The following NCKAP5L variants were observed in gnomAD, a reference collection of about 807,000 sequenced individuals.
NCKAP5L encodes NCK associated protein 5 like, also known as nck-associated protein 5-like.
A neutral mutation model predicts 103.2 loss-of-function variants in NCKAP5L; 54 were observed. The ratio of observed to expected loss-of-function variants is 0.52; its 90% CI spans 0.42 to 0.66. The LOEUF is 0.66. Ranked by LOEUF, NCKAP5L falls within the 30% of genes least tolerant of loss-of-function variation. NCKAP5L has a pLI of 0.00. For missense variants in NCKAP5L, 1,733 were observed against 1,750.6 expected (o/e 0.99, Z 0.18); for synonymous variants, 762 against 748.6 (o/e 1.02, Z -0.29).
chr12:49,802,667 C>G (rs1221032381), intron 5 of NCKAP5L: 1 of 470,582 alleles, frequency 2.1e-6, no homozygotes, highest in East Asian at 3.4e-5. Context: ...TATTCAGATG[C>G]CATTTAGGCT....
At position 49,792,795 on chromosome 12, in the gene NCKAP5L, G is replaced by A. The variant is rs769526012; in HGVS notation, c.3532C>T (p.Arg1178Trp). The A allele has an allele frequency of 9.4e-6, 15 of 1,603,648 alleles. No homozygotes were observed. Among genetic ancestry groups the A allele is most frequent in the South Asian group, 2.2e-5 (2 of 90,094 alleles). ...AGCTCCTCTATGCCTGGCACCTCCC[G>A]CTCCAGTGTGTGGGCGCGGCGGGGG... ...KVPRRAHTLE[R>W]EVPGIEELLV... The change falls in exon 11 of 13, where the codon CGG (arginine) becomes TGG (tryptophan). Residue 1178 changes from arginine to tryptophan, a missense_variant. Physicochemically the swap from Arg to Trp is moderately radical, Grantham distance 101. Coordinates refer to ENST00000335999, the MANE Select transcript of NCKAP5L (RefSeq NM_001037806.4). The surrounding 1 kb of genome is among the most constrained non-coding windows in gnomAD (Gnocchi z 4.5).
intron 1 of NCKAP5L, among the ~76,000 whole-genome samples, chr12:49,810,306 G>A (rs7313400): frequency 0.5 from 76,118 of 152,076 alleles, 20,224 homozygotes; most frequent in East Asian, 0.65. Context: ...AGCCCAGGCC[G>A]TCCTAGCCCA....
In NCKAP5L at chr12:49,796,388, C is replaced by T; in HGVS notation, c.1472G>A (p.Ser491Asn). 1 of 1,580,628 alleles carries T rather than the reference C, an allele frequency of 6.3e-7. No individual in the cohort carries two copies. The highest frequency in any genetic ancestry group is 8.6e-7 in the Non-Finnish European group (1 of 1,163,332). Residue 491 changes from serine to asparagine, a missense_variant, in exon 8 of 13, where the codon AGT becomes AAT. By Grantham distance (46) the Ser-to-Asn change is conservative. Coordinates refer to ENST00000335999, the MANE Select transcript of NCKAP5L (RefSeq NM_001037806.4). ...TGGGGAGGGGCTGCCGTCTGAGCCA[C>T]TGTTCCGACAGGGGATTCGCGAGTT... ...PRNSRIPCRN[S>N]GSDGSPSPLL...
Position 49,798,391 on chromosome 12 carries a change from C to T in NCKAP5L, c.424G>A (p.Ala142Thr). The change falls in exon 7 of 13, where the codon GCT becomes ACT. Residue 142 changes from alanine to threonine, a missense_variant. By Grantham distance (58) the Ala-to-Thr change is moderately conservative. Transcript: ENST00000335999. ...CAGTGCCCCAGAGGCAGCGGGGCAGCCGGTCCCTCAGTGGAGCTCAGGGAG... is the reference window on the plus strand; with the variant it reads ...CAGTGCCCCAGAGGCAGCGGGGCAGTCGGTCCCTCAGTGGAGCTCAGGGAG... Reference protein sequence around the residue: ...SPSLSSTEGPAAPLPLGHCAG... With the variant: ...SPSLSSTEGPTAPLPLGHCAG... 7.6e-6 allele frequency: 12 copies of T among 1,573,016 alleles called. No homozygotes were observed. The highest frequency in any genetic ancestry group is 1.2e-5 in the South Asian group (1 of 85,582).
At chr12:49,823,705 G>A (rs1266866324) in intron 1 of NCKAP5L, among the ~76,000 whole-genome samples, 4 of 151,732 alleles carry the variant, frequency 2.6e-5, no homozygotes, top group Admixed American at 1.3e-4. Flanking sequence ...ACCAGCATAA[G>A]GTTCACAGTG....
Position 49,792,875 on chromosome 12 carries a change from C to G in NCKAP5L, c.3452G>C (p.Arg1151Pro), listed in dbSNP as rs781285964. ...GGGTACCCCAGGTGGGGGATCCAGCCGCGGTGGCTTGGTCTTAGGAAGATT... is the reference window on the plus strand; with the variant it reads ...GGGTACCCCAGGTGGGGGATCCAGCGGCGGTGGCTTGGTCTTAGGAAGATT... Reference protein sequence around the residue: ...SKNLPKTKPPRLDPPPGVPPA... With the variant: ...SKNLPKTKPPPLDPPPGVPPA... The change falls in exon 11 of 13, where the codon CGG becomes CCG. Residue 1151 changes from arginine (R) to proline (P), a missense_variant. Arg to Pro is a moderately radical substitution (Grantham distance 103). Transcript: ENST00000335999. This position sits in a 1 kb window ranked among gnomAD's most constrained non-coding sequence, Gnocchi z 4.5. 1 of 1,545,032 alleles carries G rather than the reference C, an allele frequency of 6.5e-7. No individual in the cohort carries two copies. The highest frequency in any genetic ancestry group is 1.2e-5 in the South Asian group (1 of 81,804).
Position 49,796,833 on chromosome 12 carries a change from G to A in NCKAP5L, c.1027C>T (p.Leu343=). The change falls in exon 8 of 13, where the codon CTG becomes TTG. Residue 343 remains leucine, a synonymous_variant. Transcript: ENST00000335999. Reference sequence around the variant, plus strand: ...TTGAGTGGGCCTGCAGCCCCGGCCAGGAAGGCCTGTAGGTAAGACTCTGTG... The same window carrying A: ...TTGAGTGGGCCTGCAGCCCCGGCCAAGAAGGCCTGTAGGTAAGACTCTGTG... ...EDTESYLQAF[L]AGAAGPLNGD... 6.2e-7 allele frequency: 1 copy of A among 1,613,272 alleles called. No individual in the cohort carries two copies. Among genetic ancestry groups the A allele is most frequent in the Non-Finnish European group, 8.5e-7 (1 of 1,179,772 alleles).
chr12:49,800,470 A>G (rs1946106423), intron 6 of NCKAP5L, among the ~76,000 whole-genome samples: 1 of 152,214 alleles, frequency 6.6e-6, no homozygotes, highest in Non-Finnish European at 1.5e-5. Flanking sequence ...CTTAATTGGC[A>G]TTTGTGCAAA....
chr12:49,798,541 CCT>C (rs1946085273), intron 6 of NCKAP5L, 78 bp from the exon 7 acceptor site: 5 of 1,194,328 alleles, frequency 4.2e-6, no homozygotes, highest in Non-Finnish European at 6.0e-6. Context: ...CAGGCCTTCC[CCT>C]CTGAGTCCGC....
Position 49,791,781 on chromosome 12 carries a change from A to T in NCKAP5L, c.*58T>A, listed in dbSNP as rs1945937892. 2.8e-6 allele frequency: 4 copies of T among 1,424,138 alleles called. No homozygotes were observed. In the East Asian group the frequency reaches 7.6e-5, roughly 27 times the overall value. The allele number at this position is 1,424,138 out of a possible 1,614,324, so 88.2% of individuals were successfully genotyped here. ...CCGTCTCCGGGGGCTGGGCATGAAG[A>T]GAGCCGGTCCAGTCTGTGGTCCCCA... On this transcript the variant is annotated 3_prime_UTR_variant, in exon 13 of 13. Transcript: ENST00000335999.
chr12:49,828,009 G>A (rs1465957186), intron 1 of NCKAP5L, among the ~76,000 whole-genome samples: 1 of 151,760 alleles, frequency 6.6e-6, no homozygotes, highest in Non-Finnish European at 1.5e-5. Context: ...AGGGGAGCCC[G>A]GCCCCCGGAA....
chr12:49,815,331 G>A (rs1335214776), intron 1 of NCKAP5L, among the ~76,000 whole-genome samples: 1 of 152,050 alleles, frequency 6.6e-6, no homozygotes, highest in Admixed American at 6.6e-5. Flanking sequence ...TTAATTGCAA[G>A]TTTTCTATAA....
chr12:49,792,754 C>T lies in NCKAP5L; in HGVS notation c.3573G>A (p.Arg1191=). Residue 1191 remains arginine, a synonymous_variant, in exon 11 of 13, where the codon CGG becomes CGA. Transcript: ENST00000335999. The surrounding 1 kb of genome is among the most constrained non-coding windows in gnomAD (Gnocchi z 4.5). ...CAGGGAAGGCTGGCATGCTGGGGTG[C>T]CGCCCACTCACCAGCAGCTCCTCTA... The part of the protein sequence containing the change: ...PGIEELLVSG[R]HPSMPAFPAL... 4 of 1,608,662 alleles carry T rather than the reference C, an allele frequency of 2.5e-6. No homozygotes were observed. Among genetic ancestry groups the T allele is most frequent in the Non-Finnish European group, 3.4e-6 (4 of 1,178,478 alleles).
At chr12:49,812,993 C>T (rs554815181) in intron 1 of NCKAP5L, among the ~76,000 whole-genome samples, 23 of 152,132 alleles carry the variant, frequency 1.5e-4, no homozygotes, top group African/African-American at 5.5e-4. Context: ...AGTGTAAATG[C>T]TATGTAAACA....
chr12:49,819,311 C>CAAAAAA (rs60803272), intron 1 of NCKAP5L, among the ~76,000 whole-genome samples: 1 of 125,030 alleles, frequency 8.0e-6, no homozygotes, highest in African/African-American at 2.9e-5. Context: ...GACTCCGCTT[C>CAAAAAA]AAAAAAAAAA....
Position 49,796,900 on chromosome 12 carries a change from G to A in NCKAP5L, c.960C>T (p.Ala320=). Residue 320 remains alanine, a synonymous_variant, in exon 8 of 13, where the codon GCC becomes GCT. Coordinates refer to ENST00000335999, the MANE Select transcript of NCKAP5L (RefSeq NM_001037806.4). ...CCAGGTTCAACTGTCTGCGGGCCAG[G>A]GCACCGAGCAGGGTGTCGGGGCTGG... The part of the protein sequence containing the change: ...EAPSPDTLLG[A]LARRQLNLGQ... 6.2e-7 allele frequency: 1 copy of A among 1,611,060 alleles called. No homozygotes were observed. Among genetic ancestry groups the A allele is most frequent in the Non-Finnish European group, 8.5e-7 (1 of 1,179,086 alleles).
chr12:49,801,105 G>T (rs1032245181), intron 6 of NCKAP5L, among the ~76,000 whole-genome samples: 1 of 152,216 alleles, frequency 6.6e-6, no homozygotes, highest in Admixed American at 6.5e-5. Flanking sequence ...CCTGCTCAGG[G>T]GCTGGGGGCC....
Position 49,801,917 on chromosome 12 carries a change from T to C in NCKAP5L, c.282A>G (p.Glu94=). Reference sequence around the variant, plus strand: ...GGGCACTCAGCATCTGGTTCTGCCGTTCCAGGTCAAACACTCTCTTCTTCA... The same window carrying C: ...GGGCACTCAGCATCTGGTTCTGCCGCTCCAGGTCAAACACTCTCTTCTTCA... ...IKLKKRVFDL[E]RQNQMLSALF... is the part of the protein sequence containing the mutation. Residue 94 remains glutamate, a synonymous_variant, in exon 6 of 13, where the codon GAA becomes GAG. Transcript: ENST00000335999. 6.2e-7 allele frequency: 1 copy of C among 1,613,968 alleles called. No individual in the cohort carries two copies. Among genetic ancestry groups the C allele is most frequent in the South Asian group, 1.1e-5 (1 of 91,086 alleles).
chr12:49,794,620 G>T, intron 8 of NCKAP5L, 145 bp downstream of exon 8: 2 of 514,344 alleles, frequency 3.9e-6, no homozygotes, highest in African/African-American at 2.1e-5. Flanking sequence ...CCCACCAGCT[G>T]CTTTGGTGGC....
Sources: allele counts gnomAD v4.1 joint callset (sites outside exome capture counted in the v4.1 genomes callset), GRCh38; gene constraint gnomAD v4.1.1; non-coding constraint Gnocchi (gnomAD v3.1); transcripts MANE v1.5; gene names NCBI Gene and HGNC (gene_info 2026-07-23, HGNC 2026-07-21).